The following CSMD1 variants were observed in gnomAD, a reference collection of about 807,000 sequenced individuals.
The protein encoded by CSMD1 is CUB and Sushi multiple domains 1.
Under a neutral mutation model 417.5 loss-of-function variants are expected in CSMD1, and 213 were observed. That is an observed-to-expected ratio of 0.51 (90% CI 0.46 to 0.57). CSMD1 has a LOEUF of 0.57. Among genes scored for constraint, CSMD1 ranks in the 20% least tolerant of loss-of-function variants. The probability of loss-of-function intolerance (pLI) is 0.00; values close to 1 mark genes in which losing one functional copy is unlikely to be tolerated. For synonymous variants in CSMD1, 2,862 were observed against 1,736.8 expected (o/e 1.65, Z -16.11); for missense variants, 6,923 against 4,529.7 (o/e 1.53, Z -15.17).
intron 10 of CSMD1, among the ~76,000 whole-genome samples, chr8:3,504,181 C>G (rs10095318): frequency 0.096 from 14,615 of 152,032 alleles, 733 homozygotes; most frequent in Middle Eastern, 0.15. Context: ...ACACTGTATA[C>G]CAGTATTGAA....
At chr8:3,930,362 T>G (rs979659392) in intron 5 of CSMD1, among the ~76,000 whole-genome samples, 1 of 150,530 alleles carries the variant, frequency 6.6e-6, no homozygotes. Context: ...ATCAATGTAT[T>G]TTATGTTCTT....
intron 1 of CSMD1, among the ~76,000 whole-genome samples, chr8:4,962,782 C>CA (rs919148032): frequency 6.6e-5 from 10 of 152,074 alleles, no homozygotes; most frequent in African/African-American, 1.9e-4. Flanking sequence ...AGAGAGGGGA[C>CA]AAAAAATTAC....
intron 3 of CSMD1, among the ~76,000 whole-genome samples, chr8:4,138,961 T>A (rs945007827): frequency 3.3e-5 from 5 of 152,154 alleles, no homozygotes; most frequent in Non-Finnish European, 5.9e-5. Flanking sequence ...TGTCGAACAC[T>A]CGCCATGCAT....
At chr8:3,141,171 G>C (rs994934316) in intron 41 of CSMD1, among the ~76,000 whole-genome samples, 2 of 152,212 alleles carry the variant, frequency 1.3e-5, no homozygotes, top group Non-Finnish European at 2.9e-5. Flanking sequence ...GGCCATGGGA[G>C]AGAGTGTGTG....
chr8:4,821,881 G>A (rs1799544106), intron 1 of CSMD1, among the ~76,000 whole-genome samples: 2 of 152,086 alleles, frequency 1.3e-5, no homozygotes, highest in African/African-American at 2.4e-5. Flanking sequence ...TTCTGCTCTA[G>A]CCCAGCTGTA....
intron 41 of CSMD1, among the ~76,000 whole-genome samples, chr8:3,134,154 G>C (rs1343662184): frequency 6.6e-6 from 1 of 152,054 alleles, no homozygotes; most frequent in Non-Finnish European, 1.5e-5. Flanking sequence ...CCTCTCGACA[G>C]AGTGAGACTC....
chr8:4,029,763 G>A (rs367908787), intron 4 of CSMD1, among the ~76,000 whole-genome samples: 53 of 152,104 alleles, frequency 3.5e-4, no homozygotes, highest in Non-Finnish European at 5.6e-4. Flanking sequence ...TCCACCTTCC[G>A]AACTCTTATC....
intron 10 of CSMD1, among the ~76,000 whole-genome samples, chr8:3,554,522 G>C (rs563718434): frequency 1.3e-4 from 20 of 152,166 alleles, no homozygotes; most frequent in Admixed American, 5.2e-4. Context: ...ATGTGGAATT[G>C]AGATAATTGG....
intron 2 of CSMD1, among the ~76,000 whole-genome samples, chr8:4,633,315 C>T (rs71523639): frequency 0.075 from 10,887 of 145,924 alleles, 879 homozygotes; most frequent in Admixed American, 0.25. Flanking sequence ...GGTGCGATCT[C>T]GGCTCACTGA....
At chr8:3,701,634 G>A (rs1186341951) in intron 7 of CSMD1, among the ~76,000 whole-genome samples, 1 of 151,864 alleles carries the variant, frequency 6.6e-6, no homozygotes, top group Non-Finnish European at 1.5e-5. Context: ...ATAATTATAA[G>A]TAGATAAATA....
chr8:3,427,553 A>T (rs1016637384), intron 12 of CSMD1, among the ~76,000 whole-genome samples: 11 of 152,308 alleles, frequency 7.2e-5, no homozygotes, highest in African/African-American at 2.6e-4. Context: ...ATATAGGTGT[A>T]TGGAAATAAT....
chr8:3,640,231 TTAAA>T (rs1797242725), intron 7 of CSMD1, among the ~76,000 whole-genome samples: 1 of 152,278 alleles, frequency 6.6e-6, no homozygotes, highest in East Asian at 1.9e-4. Context: ...TGAGAATTGA[TTAAA>T]TAAATAAATA....
Position 3,774,356 on chromosome 8 carries a change from G to A in CSMD1, c.819-20314C>T, listed in dbSNP as rs539349192. On this transcript the variant is annotated intron_variant, in intron 5 of 69. Transcript: ENST00000635120. Reference sequence around the variant, plus strand: ...CCTGAGGTGTTATCATATGGCGGTTGTTTGGATGTCTGTCATCTCCCCGGG... The same window carrying A: ...CCTGAGGTGTTATCATATGGCGGTTATTTGGATGTCTGTCATCTCCCCGGG... Among the ~76,000 whole-genome samples, 18 of 152,242 alleles carry A rather than the reference G, an allele frequency of 1.2e-4. No individual in the cohort carries two copies. In the East Asian group the frequency reaches 3.5e-3, roughly 29 times the overall value.
chr8:4,148,011 T>A (rs912558389), intron 3 of CSMD1, among the ~76,000 whole-genome samples: 1 of 152,056 alleles, frequency 6.6e-6, no homozygotes, highest in Admixed American at 6.5e-5. Context: ...ACGGGTTCCA[T>A]GATTGTTTCC....
intron 1 of CSMD1, among the ~76,000 whole-genome samples, chr8:4,923,635 T>C (rs962631072): frequency 2.0e-5 from 3 of 152,222 alleles, no homozygotes; most frequent in African/African-American, 4.8e-5. Flanking sequence ...GTATTCTACA[T>C]TGCTTCCTGC....
chr8:3,058,867 A>G (rs1812405766), intron 49 of CSMD1, among the ~76,000 whole-genome samples: 1 of 152,078 alleles, frequency 6.6e-6, no homozygotes, highest in African/African-American at 2.4e-5. Flanking sequence ...AAATGCCTCA[A>G]GTACCCTGCA....
At chr8:3,926,097 AC>A (rs1809683730) in intron 5 of CSMD1, among the ~76,000 whole-genome samples, 1 of 81,672 alleles carries the variant, frequency 1.2e-5, no homozygotes, top group African/African-American at 5.3e-5. Context: ...ACACACACAC[AC>A]ACACACACAC....
intron 2 of CSMD1, among the ~76,000 whole-genome samples, chr8:4,465,545 G>A (rs1231856575): frequency 1.3e-5 from 2 of 152,122 alleles, no homozygotes; most frequent in South Asian, 2.1e-4. Context: ...TCCACTCTCA[G>A]AATGGAAGTC....
chr8:4,172,921 T>G (rs1797846576), intron 3 of CSMD1, among the ~76,000 whole-genome samples: 2 of 152,214 alleles, frequency 1.3e-5, no homozygotes, highest in Admixed American at 6.5e-5. Flanking sequence ...CAGCAACAAG[T>G]TAACAGCAAC....
Sources: gnomAD v4.1 joint callset for allele counts (sites outside exome capture counted in the v4.1 genomes callset) on GRCh38, gnomAD v4.1.1 for gene constraint, MANE v1.5 for transcripts, NCBI Gene and HGNC (gene_info 2026-07-23, HGNC 2026-07-21) for gene names.